Variants in ZMYM2 observed in about 807,000 individuals in gnomAD.
The protein encoded by ZMYM2 is zinc finger MYM-type containing 2, also known as zinc finger MYM-type protein 2.
A neutral mutation model predicts 162.8 loss-of-function variants in ZMYM2; 56 were observed. The observed-to-expected ratio is 0.34, with a 90% confidence interval of 0.28 to 0.43. ZMYM2 has a LOEUF of 0.43. Among genes scored for constraint, ZMYM2 ranks in the 20% least tolerant of loss-of-function variants. The pLI, the probability that ZMYM2 is intolerant of heterozygous loss-of-function variation, is 1.00. For synonymous variants in ZMYM2, 510 were observed against 541.6 expected (o/e 0.94, Z 0.81); for missense variants, 1,275 against 1,621.8 (o/e 0.79, Z 3.67).
intron 10 of ZMYM2, among the ~76,000 whole-genome samples, chr13:20,033,869 C>T (rs973206455): frequency 2.6e-5 from 4 of 152,198 alleles, no homozygotes; most frequent in Admixed American, 1.3e-4. Flanking sequence ...CTTGTTTATA[C>T]TCAACAAAGA....
At chr13:19,949,991 A>G in the ZMYM2 span, among the ~76,000 whole-genome samples, 2 of 151,892 alleles carry the variant, frequency 1.3e-5, no homozygotes, top group African/African-American at 4.8e-5. Context: ...AGAAAAAGAA[A>G]GAAAGACGTG....
the ZMYM2 span, among the ~76,000 whole-genome samples, chr13:19,926,365 T>A: frequency 2.0e-5 from 3 of 148,184 alleles, no homozygotes; most frequent in Admixed American, 6.7e-5. Flanking sequence ...TACTTATTTT[T>A]TTTTTTTTTT....
chr13:20,065,090 A>G (rs571617613), intron 19 of ZMYM2, among the ~76,000 whole-genome samples: 10 of 152,214 alleles, frequency 6.6e-5, no homozygotes, highest in Admixed American at 2.6e-4. Flanking sequence ...AGGTAGACCA[A>G]ATCTACATGC....
the ZMYM2 span, among the ~76,000 whole-genome samples, chr13:19,928,855 G>A: frequency 6.6e-6 from 1 of 151,856 alleles, no homozygotes; most frequent in Admixed American, 6.6e-5. Flanking sequence ...ATGTTGGCCA[G>A]GTTGGTGTCG....
At chr13:19,967,995 G>A (rs1303036705) in intron 2 of ZMYM2, among the ~76,000 whole-genome samples, 1 of 152,060 alleles carries the variant, frequency 6.6e-6, no homozygotes, top group Non-Finnish European at 1.5e-5. Context: ...AGATAAAAAT[G>A]CTTTATCCTC....
At chr13:20,022,493 CTG>C (rs1223104167) in intron 7 of ZMYM2, among the ~76,000 whole-genome samples, 1 of 152,092 alleles carries the variant, frequency 6.6e-6, no homozygotes, top group Non-Finnish European at 1.5e-5. Context: ...ATTTTTCCCT[CTG>C]TATCTGTTTA....
rs1593211759 is a variant in ZMYM2, at chr13:20,068,062, G to T, written c.3453+672G>T. 2.9e-5 allele frequency: 5 copies of T among 175,070 alleles called. No homozygotes were observed. The South Asian group carries it at 6.0e-4, about 21-fold the overall frequency. 10.8% of individuals were successfully genotyped at this position (175,070 alleles called of 1,614,324 possible). Reference sequence around the variant, plus strand: ...GAAAACTAGAATTGTCTTAATTTGTGTTTTTTTTACTTTTTCTTTAGGATA... The same window carrying T: ...GAAAACTAGAATTGTCTTAATTTGTTTTTTTTTTACTTTTTCTTTAGGATA... On this transcript the variant is annotated intron_variant, in intron 21 of 24. Coordinates refer to ENST00000610343, the MANE Select transcript of ZMYM2 (RefSeq NM_197968.4).
At chr13:20,005,691 C>T (rs1950687701) in intron 5 of ZMYM2, among the ~76,000 whole-genome samples, 1 of 152,146 alleles carries the variant, frequency 6.6e-6, no homozygotes, top group Non-Finnish European at 1.5e-5. Flanking sequence ...ATATATAAGT[C>T]ATTTGAATGA....
intron 2 of ZMYM2, among the ~76,000 whole-genome samples, chr13:19,978,635 A>C (rs1161077705): frequency 4.6e-5 from 7 of 151,924 alleles, no homozygotes; most frequent in Admixed American, 4.6e-4. Context: ...GGCTGGTCTG[A>C]AACTCCCGAC....
chr13:20,059,603 C>A, intron 16 of ZMYM2, 41 bp downstream of exon 16: 1 of 919,478 alleles, frequency 1.1e-6, no homozygotes, highest in Non-Finnish European at 1.8e-6. Flanking sequence ...TGAGATTTAG[C>A]AGACACAGTT....
the ZMYM2 span, among the ~76,000 whole-genome samples, chr13:19,893,604 G>A: frequency 6.6e-6 from 1 of 151,752 alleles, no homozygotes; most frequent in Non-Finnish European, 1.5e-5. Flanking sequence ...GCCAGGCGTG[G>A]TGGCGGGTGC....
chr13:20,085,406 T>C lies in ZMYM2; in HGVS notation c.3942-416T>C, dbSNP rs1047370037. ...TGGTATTTTAAAAATTGAGTTTCTA[T>C]TATGTAGTGCTGTAAGAATTTTTTA... On this transcript the variant is annotated intron_variant, in intron 24 of 24. Transcript: ENST00000610343. Among the ~76,000 whole-genome samples the C allele has an allele frequency of 3.9e-5, 6 of 152,324 alleles. No homozygotes were observed. In the East Asian group the frequency reaches 1.2e-3, roughly 29 times the overall value.
intron 7 of ZMYM2, chr13:20,026,387 A>AT: frequency 2.6e-6 from 1 of 382,108 alleles, no homozygotes; most frequent in African/African-American, 2.1e-5. Flanking sequence ...AGAGAAAAAC[A>AT]TTCTGTTTTT....
intron 2 of ZMYM2, among the ~76,000 whole-genome samples, chr13:19,977,350 AGATG>A (rs1426662624): frequency 1.3e-5 from 2 of 152,136 alleles, no homozygotes; most frequent in Non-Finnish European, 2.9e-5. Flanking sequence ...GACAGCATAT[AGATG>A]GATCGTGTTT....
intron 5 of ZMYM2, 119 bp from the exon 6 acceptor site, chr13:20,006,255 T>A (rs1312169262): frequency 3.4e-5 from 35 of 1,039,762 alleles, no homozygotes; most frequent in Non-Finnish European, 4.2e-5. Flanking sequence ...AAAATTTTTT[T>A]TTTCCTTTTC....
Position 20,027,501 on chromosome 13 carries a change from G to A in ZMYM2, c.1851+183G>A, listed in dbSNP as rs562982166. Among the ~76,000 whole-genome samples the A allele has an allele frequency of 4.5e-4, 68 of 152,252 alleles. 1 individual carries two copies. The South Asian group carries it at 8.9e-3, about 20-fold the overall frequency. ...CCAGTTTTCTATTTTAGCCTGGATA[G>A]TCTAATTGAGATTATAATTATTACT... On this transcript the variant is annotated intron_variant, in intron 9 of 24. Transcript: ENST00000610343.
At chr13:20,034,929 G>A (rs1953539934) in intron 11 of ZMYM2, among the ~76,000 whole-genome samples, 1 of 152,146 alleles carries the variant, frequency 6.6e-6, no homozygotes, top group Non-Finnish European at 1.5e-5. Flanking sequence ...CTGCTCTGGT[G>A]CCAGGCAGCA....
chr13:19,991,576 G>A (rs973370126), intron 2 of ZMYM2, among the ~76,000 whole-genome samples: 1 of 151,628 alleles, frequency 6.6e-6, no homozygotes, highest in Admixed American at 6.6e-5. Flanking sequence ...TGTGACTTGG[G>A]CAAGAGAGTT....
the ZMYM2 span, among the ~76,000 whole-genome samples, chr13:19,870,960 C>T: frequency 6.6e-6 from 1 of 151,956 alleles, no homozygotes; most frequent in South Asian, 2.1e-4. Flanking sequence ...TCATTAGAAG[C>T]AAGTCACTAA....
Sources: gnomAD v4.1 joint callset for allele counts (sites outside exome capture counted in the v4.1 genomes callset) on GRCh38, gnomAD v4.1.1 for gene constraint, MANE v1.5 for transcripts, NCBI Gene and HGNC (gene_info 2026-07-23, HGNC 2026-07-21) for gene names.